SPESP1: variants seen among roughly 807,000 people sequenced by gnomAD.
SPESP1 encodes equatorial segment protein.
SPESP1 carries 1 observed loss-of-function variant against 3.1 expected under a neutral mutation model. The observed-to-expected ratio is 0.33, with a 90% confidence interval of 0.12 to 1.54. SPESP1 has a LOEUF of 1.54. SPESP1 is among the 40% of genes most tolerant of loss of function. The probability of loss-of-function intolerance (pLI) is 0.38; values close to 1 mark genes in which losing one functional copy is unlikely to be tolerated. For synonymous variants in SPESP1, 138 were observed against 150.7 expected (o/e 0.92, Z 0.62); for missense variants, 398 against 410.1 (o/e 0.97, Z 0.26).
chr15:68,940,287 C>G (rs1341218716), intron 1 of SPESP1, among the ~76,000 whole-genome samples: 1 of 152,070 alleles, frequency 6.6e-6, no homozygotes. Context: ...ACACTCTCCC[C>G]AATTTCTCGG....
intron 1 of SPESP1, among the ~76,000 whole-genome samples, chr15:68,936,438 CTAAGTA>C (rs1033678505): frequency 2.0e-5 from 3 of 152,140 alleles, no homozygotes; most frequent in East Asian, 1.9e-4. Flanking sequence ...AGACATTACG[CTAAGTA>C]TAAGAAGCCA....
rs1395092161 is a variant in SPESP1, at chr15:68,946,269, C to T, written c.735C>T (p.Thr245=). 3 of 1,613,842 alleles carry T rather than the reference C, an allele frequency of 1.9e-6. No individual in the cohort carries two copies. In the Admixed American group the frequency reaches 5.0e-5, roughly 27 times the overall value. Residue 245 remains threonine, a synonymous_variant, in exon 2 of 2, where the codon ACC becomes ACT. Transcript: ENST00000310673. ...TGCAACAGGCACTTCTTAGTGACACCAGCAACCCAGCATATAGAGAAGATA... is the reference window on the plus strand; with the variant it reads ...TGCAACAGGCACTTCTTAGTGACACTAGCAACCCAGCATATAGAGAAGATA... ...SQVQQALLSD[T]SNPAYREDIE... is the part of the protein sequence containing the mutation.
In SPESP1 at chr15:68,930,554, G is replaced by A. The variant is rs879090491; in HGVS notation, c.-100G>A. 4.2e-5 allele frequency: 64 copies of A among 1,520,114 alleles called. No homozygotes were observed. In the South Asian group the frequency reaches 6.5e-4, roughly 15 times the overall value. The allele number at this position is 1,520,114 out of a possible 1,614,324, so 94.2% of individuals were successfully genotyped here. A position where few individuals can be genotyped will look rare whatever the true frequency, so the allele number is the denominator to read the frequency against. On this transcript the variant is annotated 5_prime_UTR_variant, in exon 1 of 2. Transcript: ENST00000310673. The stretch of plus-strand genomic sequence containing the variant: ...CTGGGTGTCCCAGGGCCTGAGGCAG[G>A]ACGGTACTCCGCTGACACCTTCCCT...
intron 1 of SPESP1, among the ~76,000 whole-genome samples, chr15:68,937,907 T>C (rs1895724299): frequency 6.6e-6 from 1 of 152,226 alleles, no homozygotes; most frequent in Admixed American, 6.5e-5. Context: ...AATTGGTCAT[T>C]CTATGAAAAG....
In SPESP1 at chr15:68,946,046, G is replaced by T; in HGVS notation, c.512G>T (p.Ser171Ile). Reference sequence around the variant, plus strand: ...CCAGTTGTTACTGAATCATCTACAAGTCCATATGTTACCTCATACAAGTCA... The same window carrying T: ...CCAGTTGTTACTGAATCATCTACAATTCCATATGTTACCTCATACAAGTCA... ...MLPVVTESST[S>I]PYVTSYKSPV... The change falls in exon 2 of 2, where the codon AGT becomes ATT. Residue 171 changes from serine (S) to isoleucine (I), a missense_variant. Coordinates refer to ENST00000310673, the MANE Select transcript of SPESP1 (RefSeq NM_145658.4). The T allele has an allele frequency of 3.1e-6, 5 of 1,614,128 alleles. No homozygotes were observed. The highest frequency in any genetic ancestry group is 4.2e-6 in the Non-Finnish European group (5 of 1,180,016).
chr15:68,935,756 T>G (rs1895666216), intron 1 of SPESP1, among the ~76,000 whole-genome samples: 1 of 152,224 alleles, frequency 6.6e-6, no homozygotes, highest in Non-Finnish European at 1.5e-5. Context: ...AAAATTAAGA[T>G]TTGTGTAATA....
intron 1 of SPESP1, among the ~76,000 whole-genome samples, chr15:68,941,429 A>G (rs575121672): frequency 6.6e-6 from 1 of 152,320 alleles, no homozygotes; most frequent in South Asian, 2.1e-4. Context: ...AGAAGTCTGG[A>G]ATCCATTTCC....
chr15:68,941,824 G>T (rs1895831547), intron 1 of SPESP1, among the ~76,000 whole-genome samples: 1 of 151,974 alleles, frequency 6.6e-6, no homozygotes, highest in African/African-American at 2.4e-5. Flanking sequence ...TATTGATTTT[G>T]GCATGTTTTT....
intron 1 of SPESP1, among the ~76,000 whole-genome samples, chr15:68,930,957 G>C (rs938205391): frequency 2.0e-4 from 30 of 152,316 alleles, no homozygotes; most frequent in African/African-American, 7.0e-4. Flanking sequence ...GTGGGCGCGG[G>C]TGGAACCCCC....
chr15:68,934,467 G>C (rs1050445161), intron 1 of SPESP1, among the ~76,000 whole-genome samples: 1 of 152,172 alleles, frequency 6.6e-6, no homozygotes, highest in Non-Finnish European at 1.5e-5. Context: ...CATTTAAAAG[G>C]TCTCTCAAAC....
chr15:68,945,649 G>A lies in SPESP1; in HGVS notation c.115G>A (p.Val39Ile). The A allele has an allele frequency of 6.2e-7, 1 of 1,602,324 alleles. No homozygotes were observed. Among genetic ancestry groups the A allele is most frequent in the Non-Finnish European group, 8.5e-7 (1 of 1,177,118 alleles). Reference sequence around the variant, plus strand: ...GCAAAACTTGAATCATTATATACAAGTTTTAGAGAACCTAGTACGAAGTGT... The same window carrying A: ...GCAAAACTTGAATCATTATATACAAATTTTAGAGAACCTAGTACGAAGTGT... ...EEQNLNHYIQ[V>I]LENLVRSVPS... The change falls in exon 2 of 2, where the codon GTT becomes ATT. Residue 39 changes from valine (V) to isoleucine (I), a missense_variant. By Grantham distance (29) the Val-to-Ile change is conservative (BLOSUM62 3). Transcript: ENST00000310673.
intron 1 of SPESP1, among the ~76,000 whole-genome samples, chr15:68,932,031 A>C (rs888258691): frequency 3.3e-5 from 5 of 152,262 alleles, no homozygotes; most frequent in Non-Finnish European, 7.3e-5. Context: ...ATGAAGTTCT[A>C]GGTAACTAAA....
intron 1 of SPESP1, among the ~76,000 whole-genome samples, chr15:68,943,236 A>G (rs1895875230): frequency 6.6e-6 from 1 of 152,144 alleles, no homozygotes; most frequent in Non-Finnish European, 1.5e-5. Context: ...GTCCATTAAA[A>G]AAATCTGCAG....
Position 68,930,690 on chromosome 15 carries a change from TG to T in SPESP1, c.39del (p.Trp13CysfsTer11). ...PLVLLVALLL[W>X]PSSVPAYPSI... ...AGTCCTTCTAGTTGCGCTTTTGCTA[TG>T]GCCTTCGTCTGTGCCGGCTTATCCG... is the stretch of plus-strand genomic sequence containing the variant. On this transcript the variant is annotated frameshift_variant, in exon 1 of 2. Transcript: ENST00000310673. LOFTEE classifies it low-confidence loss of function (END_TRUNC). 1 of 1,614,048 alleles carries T rather than the reference TG, an allele frequency of 6.2e-7. No homozygotes were observed. Among genetic ancestry groups the T allele is most frequent in the Non-Finnish European group, 8.5e-7 (1 of 1,179,912 alleles).
At position 68,946,784 on chromosome 15, in the gene SPESP1, T is replaced by A; in HGVS notation, c.*197T>A. The A allele has an allele frequency of 1.6e-6, 1 of 623,380 alleles. No individual in the cohort carries two copies. The highest frequency in any genetic ancestry group is 2.2e-6 in the Non-Finnish European group (1 of 448,202). The allele number at this position is 623,380 out of a possible 1,614,324, so 38.6% of individuals were successfully genotyped here. On this transcript the variant is annotated 3_prime_UTR_variant, in exon 2 of 2. Transcript: ENST00000310673. ...ACAATTTTCATATGCACTAAAAACC[T>A]AATTTAAAATAAAATTTTGGTTCAG...
intron 1 of SPESP1, among the ~76,000 whole-genome samples, chr15:68,933,346 T>TAC (rs78616268): frequency 0.069 from 10,478 of 151,914 alleles, 440 homozygotes; most frequent in East Asian, 0.18. Flanking sequence ...CTCCTTTACA[T>TAC]ACACACACAC....
Position 68,930,844 on chromosome 15 carries a change from G to T in SPESP1, c.64+127G>T, listed in dbSNP as rs1415303264. ...CATGCCTCCCTCCCCCACTGTCCGG[G>T]GTCCTGGCCTCGACGCCGAGGGGTG... On this transcript the variant is annotated intron_variant, in intron 1 of 1. Transcript: ENST00000310673. 4.8e-6 allele frequency: 7 copies of T among 1,460,450 alleles called. No homozygotes were observed. In the Admixed American group the frequency reaches 1.3e-4, roughly 27 times the overall value. The allele number at this position is 1,460,450 out of a possible 1,614,324, so 90.5% of individuals were successfully genotyped here.
At position 68,934,714 on chromosome 15, in the gene SPESP1, A is replaced by G. The variant is rs565877381; in HGVS notation, c.64+3997A>G. Among the ~76,000 whole-genome samples, 3 of 152,212 alleles carry G rather than the reference A, an allele frequency of 2.0e-5. No homozygotes were observed. In the South Asian group the frequency reaches 6.2e-4, roughly 32 times the overall value. On this transcript the variant is annotated intron_variant, in intron 1 of 1. Coordinates refer to ENST00000310673, the MANE Select transcript of SPESP1 (RefSeq NM_145658.4). Reference sequence around the variant, plus strand: ...AATATATGTGAAATTAAACTTAAGCAACATTTTTTATCTCCAAATAAAATA... The same window carrying G: ...AATATATGTGAAATTAAACTTAAGCGACATTTTTTATCTCCAAATAAAATA...
intron 1 of SPESP1, among the ~76,000 whole-genome samples, chr15:68,942,064 T>G (rs933165162): frequency 5.9e-5 from 9 of 152,286 alleles, no homozygotes; most frequent in Admixed American, 4.6e-4. Context: ...GCTCAAGCCA[T>G]CCACCTGCCT....
Sources: gnomAD v4.1 joint callset for allele counts (sites outside exome capture counted in the v4.1 genomes callset) on GRCh38, gnomAD v4.1.1 for gene constraint, MANE v1.5 for transcripts, NCBI Gene and HGNC (gene_info 2026-07-23, HGNC 2026-07-21) for gene names.